The following NR2C2 variants were observed in gnomAD, a reference collection of about 807,000 sequenced individuals.
NR2C2 encodes Nuclear hormone receptor TR4.
NR2C2 carries 6 observed loss-of-function variants against 62.9 expected under a neutral mutation model. That is an observed-to-expected ratio of 0.10 (90% confidence interval 0.05 to 0.19). NR2C2 has a LOEUF of 0.19. Ranked by LOEUF, NR2C2 falls within the 10% of genes least tolerant of loss-of-function variation. The pLI, the probability that NR2C2 is intolerant of heterozygous loss-of-function variation, is 1.00. For missense variants in NR2C2, 479 were observed against 762.7 expected (o/e 0.63, Z 4.38); for synonymous variants, 272 against 273.8 (o/e 0.99, Z 0.07).
intron 2 of NR2C2, among the ~76,000 whole-genome samples, chr3:15,009,471 A>T (rs551675515): frequency 6.6e-6 from 1 of 152,348 alleles, no homozygotes; most frequent in East Asian, 1.9e-4. Context: ...TTATACTCAA[A>T]TTATTTACTA....
chr3:14,994,701 A>G (rs376211605), intron 1 of NR2C2, among the ~76,000 whole-genome samples: 4 of 150,964 alleles, frequency 2.6e-5, no homozygotes, highest in South Asian at 2.1e-4. Flanking sequence ...TCGGCCTCCC[A>G]AAGTGCTGGG....
intron 1 of NR2C2, among the ~76,000 whole-genome samples, chr3:14,988,889 T>C (rs1272159449): frequency 6.6e-6 from 1 of 152,224 alleles, no homozygotes; most frequent in Non-Finnish European, 1.5e-5. Flanking sequence ...TTTGTATGTG[T>C]GGAGTGGAAA....
chr3:15,028,311 C>G (rs1401083873), intron 7 of NR2C2, among the ~76,000 whole-genome samples: 2 of 152,098 alleles, frequency 1.3e-5, no homozygotes, highest in East Asian at 3.8e-4. Context: ...CTTTTACTTT[C>G]TTGACAATTT....
chr3:15,038,504 C>T (rs2042165203), intron 12 of NR2C2: 1 of 176,718 alleles, frequency 5.7e-6, no homozygotes, highest in Admixed American at 5.7e-5. Flanking sequence ...TAATCCAGTA[C>T]ACATTGAAGT....
intron 1 of NR2C2, chr3:14,962,266 A>G (rs2039708054): frequency 6.6e-6 from 1 of 152,614 alleles, no homozygotes; most frequent in Non-Finnish European, 1.5e-5. Flanking sequence ...GCATATACAG[A>G]TAGGTCTAGC....
intron 1 of NR2C2, among the ~76,000 whole-genome samples, chr3:14,976,711 T>A (rs186952609): frequency 2.6e-5 from 4 of 151,678 alleles, no homozygotes; most frequent in African/African-American, 9.7e-5. Context: ...CATATTTTCA[T>A]TTACATTACA....
chr3:15,016,952 G>T (rs1046306022), intron 4 of NR2C2, among the ~76,000 whole-genome samples: 3 of 152,176 alleles, frequency 2.0e-5, no homozygotes, highest in African/African-American at 7.2e-5. Context: ...ATCCATAGAA[G>T]GTTAGTGAGG....
At chr3:14,974,274 A>G (rs1447865102) in intron 1 of NR2C2, among the ~76,000 whole-genome samples, 1 of 152,152 alleles carries the variant, frequency 6.6e-6, no homozygotes, top group Non-Finnish European at 1.5e-5. Flanking sequence ...CCAGTACCAC[A>G]TTGTTTGGAT....
chr3:14,984,349 AC>A (rs1270031676), intron 1 of NR2C2, among the ~76,000 whole-genome samples: 1 of 151,508 alleles, frequency 6.6e-6, no homozygotes, highest in African/African-American at 2.4e-5. Flanking sequence ...CTTTCTTTGC[AC>A]CTATTTTGCT....
chr3:15,020,869 C>T lies in NR2C2; in HGVS notation c.493C>T (p.His165Tyr). 1.2e-6 allele frequency: 2 copies of T among 1,614,166 alleles called. No individual in the cohort carries two copies. Among genetic ancestry groups the T allele is most frequent in the Non-Finnish European group, 1.7e-6 (2 of 1,180,024 alleles). The stretch of plus-strand genomic sequence containing the variant: ...CCAAGACTGCATCATCAATAAACAT[C>T]ACCGGAACCGCTGTCAGTTTTGCCG... Reference protein sequence around the residue: ...SNQDCIINKHHRNRCQFCRLK... With the variant: ...SNQDCIINKHYRNRCQFCRLK... The change falls in exon 5 of 14, where the codon CAC becomes TAC. Residue 165 changes from histidine to tyrosine, a missense_variant. Physicochemically the swap from His to Tyr is moderately conservative, Grantham distance 83. Around this residue, in one of 4 missense-constraint regions of NR2C2, gnomAD observed 51 missense variants for 137.5 expected, o/e 0.37. Coordinates refer to ENST00000425241, the MANE Select transcript of NR2C2 (RefSeq NM_001291694.2).
intron 1 of NR2C2, among the ~76,000 whole-genome samples, chr3:14,982,419 ATACT>A (rs1156409679): frequency 6.6e-6 from 1 of 152,176 alleles, no homozygotes; most frequent in African/African-American, 2.4e-5. Context: ...GGAATTGCAA[ATACT>A]TAAATGAATC....
chr3:14,980,210 G>C (rs1256521616), intron 1 of NR2C2, among the ~76,000 whole-genome samples: 1 of 151,932 alleles, frequency 6.6e-6, no homozygotes, highest in Non-Finnish European at 1.5e-5. Flanking sequence ...AAGAGCAGAG[G>C]TGTGATCACA....
intron 1 of NR2C2, among the ~76,000 whole-genome samples, chr3:14,983,408 T>G (rs1333229758): frequency 6.6e-6 from 1 of 152,032 alleles, no homozygotes; most frequent in Non-Finnish European, 1.5e-5. Flanking sequence ...TAAACCCATC[T>G]TGTATTCTGC....
chr3:14,972,688 A>G (rs952872395), intron 1 of NR2C2, among the ~76,000 whole-genome samples: 5 of 152,156 alleles, frequency 3.3e-5, no homozygotes, highest in African/African-American at 1.2e-4. Context: ...TTTATAATGA[A>G]GAGAGGTTTA....
chr3:14,981,184 C>T (rs1278332136), intron 1 of NR2C2, among the ~76,000 whole-genome samples: 1 of 152,172 alleles, frequency 6.6e-6, no homozygotes, highest in Non-Finnish European at 1.5e-5. Flanking sequence ...TAACATAAAG[C>T]CACAGGGTGC....
chr3:14,969,912 A>G (rs910870756), intron 1 of NR2C2, among the ~76,000 whole-genome samples: 1 of 152,218 alleles, frequency 6.6e-6, no homozygotes, highest in Non-Finnish European at 1.5e-5. Flanking sequence ...AACAAAATGC[A>G]GTATTGGCAA....
intron 1 of NR2C2, among the ~76,000 whole-genome samples, chr3:14,956,672 G>A (rs1394997887): frequency 6.6e-6 from 1 of 152,114 alleles, no homozygotes; most frequent in Non-Finnish European, 1.5e-5. Context: ...GCCTCAAACA[G>A]CTGGAATTAC....
intron 7 of NR2C2, chr3:15,026,025 CT>C (rs553289086): frequency 7.0e-4 from 102 of 145,714 alleles, no homozygotes; most frequent in Non-Finnish European, 7.4e-4. Flanking sequence ...TTTTCTTTTT[CT>C]TTTTTTTTTT....
At chr3:15,030,891 A>C (rs920659763) in intron 9 of NR2C2, among the ~76,000 whole-genome samples, 3 of 152,208 alleles carry the variant, frequency 2.0e-5, no homozygotes, top group African/African-American at 7.2e-5. Flanking sequence ...GGTATTTAAC[A>C]TTATGACTTC....
Sources: gnomAD v4.1 joint callset for allele counts (sites outside exome capture counted in the v4.1 genomes callset) on GRCh38, gnomAD v4.1.1 for gene constraint, gnomAD v4.1.1 regional missense constraint, MANE v1.5 for transcripts, NCBI Gene and HGNC (gene_info 2026-07-23, HGNC 2026-07-21) for gene names.